CPPED1: variants seen among roughly 807,000 people sequenced by gnomAD.
The protein encoded by CPPED1 is calcineurin like phosphoesterase domain containing 1, also known as serine/threonine-protein phosphatase CPPED1.
Under a neutral mutation model 28.0 loss-of-function variants are expected in CPPED1, and 28 were observed. The observed-to-expected ratio is 1.00, with a 90% CI of 0.74 to 1.37. The LOEUF is 1.37. Among genes scored for constraint, CPPED1 ranks in the 40% most tolerant of loss-of-function variants. The probability of loss-of-function intolerance (pLI) is 0.00; values close to 1 mark genes in which losing one functional copy is unlikely to be tolerated. For synonymous variants in CPPED1, 198 were observed against 180.2 expected (o/e 1.10, Z -0.79); for missense variants, 504 against 416.5 (o/e 1.21, Z -1.83).
intron 2 of CPPED1, among the ~76,000 whole-genome samples, chr16:12,767,226 C>A (rs1430682981): frequency 2.0e-5 from 3 of 152,136 alleles, no homozygotes; most frequent in Non-Finnish European, 4.4e-5. Context: ...TGGTCTGAAT[C>A]TAAAGGTCTG....
At position 12,664,584 on chromosome 16, in the gene CPPED1, A is replaced by T. The variant is rs559862740; in HGVS notation, c.*302T>A. The stretch of plus-strand genomic sequence containing the variant: ...CATATGCTAACCAGAATACAATCCA[A>T]TTCAAAAGTGGAGTTGAGAAACACA... On this transcript the variant is annotated 3_prime_UTR_variant, in exon 4 of 4. Transcript: ENST00000381774. The surrounding 1 kb of genome is among the most constrained non-coding windows in gnomAD (Gnocchi z 4.2). 62 of 1,187,860 alleles carry T rather than the reference A, an allele frequency of 5.2e-5. No individual in the cohort carries two copies. In the African/African-American group the frequency reaches 9.5e-4, roughly 18 times the overall value. The allele number at this position is 1,187,860 out of a possible 1,614,324, so 73.6% of individuals were successfully genotyped here. A position where few individuals can be genotyped will look rare whatever the true frequency, so the allele number is the denominator to read the frequency against.
At chr16:12,738,791 T>C (rs1235468821) in intron 2 of CPPED1, among the ~76,000 whole-genome samples, 2 of 152,170 alleles carry the variant, frequency 1.3e-5, no homozygotes, top group Non-Finnish European at 2.9e-5. Flanking sequence ...AGGCCCCAAA[T>C]ATAAAATCAC....
At chr16:12,734,784 C>T (rs1291718860) in intron 2 of CPPED1, among the ~76,000 whole-genome samples, 1 of 152,190 alleles carries the variant, frequency 6.6e-6, no homozygotes, top group African/African-American at 2.4e-5. Context: ...TGAGTCCTCT[C>T]ATGGTCTCCC....
intron 3 of CPPED1, 45 bp from the exon 4 acceptor site, chr16:12,665,160 T>A: frequency 6.4e-7 from 1 of 1,562,018 alleles, no homozygotes; most frequent in Non-Finnish European, 8.6e-7. Flanking sequence ...GGACTTCCAT[T>A]AGGTAACCTA....
At chr16:12,683,681 T>G (rs1036398798) in intron 3 of CPPED1, among the ~76,000 whole-genome samples, 26 of 152,170 alleles carry the variant, frequency 1.7e-4, no homozygotes, top group African/African-American at 6.3e-4. Flanking sequence ...TGCGTCCTGT[T>G]GACCTGTCTG....
chr16:12,730,163 ATTT>A (rs775007517), intron 2 of CPPED1, among the ~76,000 whole-genome samples: 1 of 151,848 alleles, frequency 6.6e-6, no homozygotes, highest in Non-Finnish European at 1.5e-5. Context: ...CGGCCAGCTA[ATTT>A]TTTTTAAAAT....
intron 2 of CPPED1, among the ~76,000 whole-genome samples, chr16:12,707,235 G>C (rs1000479468): frequency 6.6e-6 from 1 of 152,180 alleles, no homozygotes; most frequent in Non-Finnish European, 1.5e-5. Context: ...AGACCTCAAA[G>C]CCGCCCCTCT....
intron 1 of CPPED1, among the ~76,000 whole-genome samples, chr16:12,794,282 C>T (rs2141245902): frequency 6.6e-6 from 1 of 152,202 alleles, no homozygotes; most frequent in South Asian, 2.1e-4. Context: ...GATGGTTGTA[C>T]ACCTCTGTGA....
chr16:12,719,104 T>A (rs2080123871), intron 2 of CPPED1, among the ~76,000 whole-genome samples: 1 of 151,732 alleles, frequency 6.6e-6, no homozygotes, highest in East Asian at 2.0e-4. Context: ...TATAAAACCA[T>A]CAGATCTCCT....
At chr16:12,694,732 G>GGC (rs940774212) in intron 3 of CPPED1, among the ~76,000 whole-genome samples, 1 of 46,530 alleles carries the variant, frequency 2.1e-5, no homozygotes, top group Admixed American at 1.6e-4. Flanking sequence ...AAAAAAAGGT[G>GGC]GGGGGGGGGG....
At chr16:12,753,353 G>C (rs1479230383) in intron 2 of CPPED1, 4 of 152,172 alleles carry the variant, frequency 2.6e-5, no homozygotes, top group Non-Finnish European at 4.4e-5. Flanking sequence ...TCATTCAAGA[G>C]CTGAGCTGTG....
chr16:12,784,650 TCTAG>T (rs1416645183), intron 1 of CPPED1, among the ~76,000 whole-genome samples: 1 of 152,198 alleles, frequency 6.6e-6, no homozygotes, highest in East Asian at 1.9e-4. Flanking sequence ...AATGAATGCT[TCTAG>T]CTGTGTTTCT....
intron 2 of CPPED1, among the ~76,000 whole-genome samples, chr16:12,773,927 G>A (rs1291815469): frequency 2.0e-5 from 3 of 152,010 alleles, no homozygotes; most frequent in East Asian, 3.9e-4. Context: ...CCATTAACAC[G>A]GGAGAAAACA....
At chr16:12,739,043 G>A (rs1279532647) in intron 2 of CPPED1, among the ~76,000 whole-genome samples, 3 of 152,150 alleles carry the variant, frequency 2.0e-5, no homozygotes, top group Non-Finnish European at 4.4e-5. Flanking sequence ...CTTTCGCATT[G>A]AGTCTTGGGT....
intron 1 of CPPED1, 104 bp downstream of exon 1, chr16:12,803,603 C>G (rs1206549394): frequency 9.6e-7 from 1 of 1,039,770 alleles, no homozygotes; most frequent in African/African-American, 1.7e-5. Context: ...GGTGCAGCCC[C>G]GGATGGTGTC....
At chr16:12,697,567 G>A (rs1158317423) in intron 3 of CPPED1, among the ~76,000 whole-genome samples, 1 of 152,178 alleles carries the variant, frequency 6.6e-6, no homozygotes, top group Non-Finnish European at 1.5e-5. Flanking sequence ...GAGAGCAAGA[G>A]CGTCACCCTG....
At chr16:12,724,768 C>G (rs2080160501) in intron 2 of CPPED1, among the ~76,000 whole-genome samples, 1 of 152,202 alleles carries the variant, frequency 6.6e-6, no homozygotes, top group Non-Finnish European at 1.5e-5. Flanking sequence ...TACTCATTAC[C>G]AGCTCTGAAA....
chr16:12,768,692 C>G (rs1416767759), intron 2 of CPPED1, among the ~76,000 whole-genome samples: 1 of 152,064 alleles, frequency 6.6e-6, no homozygotes, highest in African/African-American at 2.4e-5. Flanking sequence ...TTTTCATGAA[C>G]TTCTGATATT....
intron 2 of CPPED1, among the ~76,000 whole-genome samples, chr16:12,723,409 A>G (rs1193737091): frequency 6.6e-6 from 1 of 152,178 alleles, no homozygotes; most frequent in African/African-American, 2.4e-5. Context: ...CAACAAGGTA[A>G]GTAAGTTAAA....
Sources: allele counts gnomAD v4.1 joint callset (sites outside exome capture counted in the v4.1 genomes callset), GRCh38; gene constraint gnomAD v4.1.1; non-coding constraint Gnocchi (gnomAD v3.1); transcripts MANE v1.5; gene names NCBI Gene and HGNC (gene_info 2026-07-23, HGNC 2026-07-21).